The following PKHD1L1 variants were observed in gnomAD, a reference collection of about 807,000 sequenced individuals.
PKHD1L1 encodes the protein fibrocystin-L.
Under a neutral mutation model 462.9 loss-of-function variants are expected in PKHD1L1, and 434 were observed. The ratio of observed to expected loss-of-function variants is 0.94; its 90% CI spans 0.87 to 1.02. The LOEUF (loss-of-function observed/expected upper bound fraction) is 1.02. Ranked by LOEUF, PKHD1L1 falls within the 50% of genes least tolerant of loss-of-function variation. The pLI is 0.00. For synonymous variants in PKHD1L1, 1,781 were observed against 1,750.0 expected, an observed-to-expected ratio of 1.02 and a Z score of -0.44; for missense variants, 5,202 against 5,096.1, an observed-to-expected ratio of 1.02 and a Z score of -0.63.
At position 109,445,052 on chromosome 8, in the gene PKHD1L1, T is replaced by C. The variant is rs771702224; in HGVS notation, c.5183T>C (p.Ile1728Thr). The C allele has an allele frequency of 1.3e-5, 21 of 1,613,940 alleles. No individual in the cohort carries two copies. The East Asian group carries it at 2.7e-4, about 21-fold the overall frequency. ...CAGCTTGTGGATGTAGATCTTCTAA[T>C]ACATGGAGTGCCTGCCCAGTGCCAG... ...AQQLVDVDLLIHGVPAQCQGN... is the reference protein window; with the variant it reads ...AQQLVDVDLLTHGVPAQCQGN... Residue 1728 changes from isoleucine to threonine, a missense_variant, in exon 38 of 78, where the codon ATA becomes ACA. Physicochemically the swap from Ile to Thr is moderately conservative, Grantham distance 89. Coordinates refer to ENST00000378402, the MANE Select transcript of PKHD1L1 (RefSeq NM_177531.6).
At chr8:109,512,938 A>G (rs1820070919) in intron 71 of PKHD1L1, among the ~76,000 whole-genome samples, 1 of 151,848 alleles carries the variant, frequency 6.6e-6, no homozygotes, top group Non-Finnish European at 1.5e-5. Context: ...ATTCCTAGGT[A>G]TTTTATTTTC....
At chr8:109,399,099 G>A (rs75073415) in intron 12 of PKHD1L1, among the ~76,000 whole-genome samples, 4,955 of 151,990 alleles carry the variant, frequency 0.033, 281 homozygotes, top group African/African-American at 0.11. Context: ...TATCTTGTTC[G>A]CACCGTGAAT....
chr8:109,400,065 A>G lies in PKHD1L1; in HGVS notation c.1013-11A>G. On this transcript the variant is annotated splice_polypyrimidine_tract_variant and intron_variant, in intron 12 of 77. Transcript: ENST00000378402. Reference sequence around the variant, plus strand: ...CCTGATGAAAGTCTTATTTTATTTCATTACACTTAGGAGGGAGAGGCCTGA... The same window carrying G: ...CCTGATGAAAGTCTTATTTTATTTCGTTACACTTAGGAGGGAGAGGCCTGA... 1.9e-6 allele frequency: 3 copies of G among 1,595,088 alleles called. No individual in the cohort carries two copies. The highest frequency in any genetic ancestry group is 2.6e-6 in the Non-Finnish European group (3 of 1,170,720).
chr8:109,441,534 A>G (rs1441364247), intron 34 of PKHD1L1, among the ~76,000 whole-genome samples, 155 bp downstream of exon 34: 1 of 151,894 alleles, frequency 6.6e-6, no homozygotes, highest in Non-Finnish European at 1.5e-5. Flanking sequence ...AGAGGGTCAC[A>G]TATAGAGCAA....
At chr8:109,454,672 G>A (rs1472901374) in intron 44 of PKHD1L1, 51 bp from the exon 45 acceptor site, 18 of 1,598,258 alleles carry the variant, frequency 1.1e-5, no homozygotes, top group Non-Finnish European at 1.5e-5. Context: ...GATTAGAATT[G>A]TGGATTTGGG....
At position 109,532,623 on chromosome 8, in the gene PKHD1L1, A is replaced by C. The variant is rs1232182349; in HGVS notation, c.*2533A>C. 6.6e-6 allele frequency among the ~76,000 whole-genome samples: 1 copy of C among 152,210 alleles called. No homozygotes were observed. Among genetic ancestry groups the C allele is most frequent in the Non-Finnish European group, 1.5e-5 (1 of 68,020 alleles). ...TACCTAAGACCTGAAATGTTGGCGA[A>C]GTAAATATGTTGTTCCAATTTTGGT... On this transcript the variant is annotated 3_prime_UTR_variant, in exon 78 of 78. Coordinates refer to ENST00000378402, the MANE Select transcript of PKHD1L1 (RefSeq NM_177531.6).
At chr8:109,406,131 C>T (rs1813522554) in intron 16 of PKHD1L1, among the ~76,000 whole-genome samples, 1 of 152,104 alleles carries the variant, frequency 6.6e-6, no homozygotes, top group African/African-American at 2.4e-5. Flanking sequence ...GCCCTGTCCT[C>T]AAAGAGATCA....
chr8:109,483,100 T>G lies in PKHD1L1; in HGVS notation c.9571T>G (p.Trp3191Gly). The G allele has an allele frequency of 6.4e-7, 1 of 1,573,944 alleles. No homozygotes were observed. Among genetic ancestry groups the G allele is most frequent in the Non-Finnish European group, 8.6e-7 (1 of 1,160,074 alleles). ...KVLSLMDAVDWQEGEEIVITT... is the reference protein window; with the variant it reads ...KVLSLMDAVDGQEGEEIVITT... ...CCTGTCTCTGATGGATGCTGTGGATTGGCAGGTAGACAAAATAATTATGTA... is the reference window on the plus strand; with the variant it reads ...CCTGTCTCTGATGGATGCTGTGGATGGGCAGGTAGACAAAATAATTATGTA... Residue 3191 changes from tryptophan to glycine, a missense_variant, in exon 57 of 78, where the codon TGG becomes GGG. Trp to Gly is a radical substitution (Grantham distance 184). Around this residue, in one of 3 missense-constraint regions of PKHD1L1, gnomAD observed 4,497 missense variants for 4,336.8 expected, o/e 1.04. Coordinates refer to ENST00000378402, the MANE Select transcript of PKHD1L1 (RefSeq NM_177531.6).
intron 2 of PKHD1L1, among the ~76,000 whole-genome samples, chr8:109,369,768 AAG>A (rs1491245161): frequency 1.3e-5 from 2 of 152,154 alleles, no homozygotes; most frequent in Admixed American, 1.3e-4. Context: ...GACAAAAGGG[AAG>A]AGTGGGTTTA....
chr8:109,522,893 A>G lies in PKHD1L1; in HGVS notation c.12330+3A>G. The stretch of plus-strand genomic sequence containing the variant: ...CGGTAAAGGCAACAGATTCTGACGT[A>G]AGTCATAACTCAAAATTTTACTTAA... On this transcript the variant is annotated splice_donor_region_variant and intron_variant, in intron 75 of 77. Transcript: ENST00000378402. 2 of 1,592,496 alleles carry G rather than the reference A, an allele frequency of 1.3e-6. No homozygotes were observed. The highest frequency in any genetic ancestry group is 1.7e-6 in the Non-Finnish European group (2 of 1,171,556).
chr8:109,503,420 C>A (rs1043806655), intron 67 of PKHD1L1, among the ~76,000 whole-genome samples: 1 of 152,086 alleles, frequency 6.6e-6, no homozygotes, highest in Non-Finnish European at 1.5e-5. Context: ...CTGGGCAGGG[C>A]ACAAACAGCA....
At chr8:109,525,119 G>C (rs1371797979) in intron 76 of PKHD1L1, among the ~76,000 whole-genome samples, 1 of 152,146 alleles carries the variant, frequency 6.6e-6, no homozygotes, top group Non-Finnish European at 1.5e-5. Context: ...AACCCCCACA[G>C]TCACTGCACT....
rs74333621 is a variant in PKHD1L1, at chr8:109,410,281, G to A, written c.2085+303G>A. ...TATTTTGTGTATAGGCCATTGTTGCGTTGCTATAAAGAAATACCTTAGACT... is the reference window on the plus strand; with the variant it reads ...TATTTTGTGTATAGGCCATTGTTGCATTGCTATAAAGAAATACCTTAGACT... On this transcript the variant is annotated intron_variant, in intron 19 of 77. Coordinates refer to ENST00000378402, the MANE Select transcript of PKHD1L1 (RefSeq NM_177531.6). Among the ~76,000 whole-genome samples the A allele has an allele frequency of 4.9e-3, 746 of 152,226 alleles. 7 individuals are homozygous for A. Among genetic ancestry groups the A allele is most frequent in the African/African-American group, 0.016 (666 of 41,524 alleles).
chr8:109,376,520 C>T (rs985138264), intron 2 of PKHD1L1, among the ~76,000 whole-genome samples: 1 of 152,066 alleles, frequency 6.6e-6, no homozygotes, highest in African/African-American at 2.4e-5. Context: ...CACCCACTGT[C>T]CGGCACTCCC....
intron 23 of PKHD1L1, among the ~76,000 whole-genome samples, chr8:109,421,553 C>T (rs1320649859): frequency 6.6e-6 from 1 of 152,016 alleles, no homozygotes. Context: ...GAGGCCGAGA[C>T]GGGCGGATCA....
intron 2 of PKHD1L1, among the ~76,000 whole-genome samples, chr8:109,374,245 C>T (rs983564520): frequency 6.6e-6 from 1 of 152,174 alleles, no homozygotes; most frequent in East Asian, 1.9e-4. Context: ...GATCCCTTTA[C>T]CATTATGTAA....
Position 109,376,944 on chromosome 8 carries a change from G to A in PKHD1L1, c.164-4426G>A, listed in dbSNP as rs187155746. The stretch of plus-strand genomic sequence containing the variant: ...ATTAAACATCACTGGCACCTGCCAC[G>A]TAGCTTTACCAGAACTGGAGGTGAG... On this transcript the variant is annotated intron_variant, in intron 2 of 77. Coordinates refer to ENST00000378402, the MANE Select transcript of PKHD1L1 (RefSeq NM_177531.6). Among the ~76,000 whole-genome samples the A allele has an allele frequency of 1.2e-3, 180 of 152,276 alleles. 3 individuals carry two copies. Among genetic ancestry groups the A allele is most frequent in the Non-Finnish European group, 2.8e-4 (19 of 68,030 alleles).
intron 70 of PKHD1L1, among the ~76,000 whole-genome samples, chr8:109,510,543 G>A (rs2844260): frequency 0.18 from 27,141 of 152,026 alleles, 2,748 homozygotes; most frequent in East Asian, 0.33. Flanking sequence ...CTTGCCCTGG[G>A]CAGTGTAAAA....
At chr8:109,405,898 G>A (rs955273590) in intron 16 of PKHD1L1, among the ~76,000 whole-genome samples, 1 of 152,164 alleles carries the variant, frequency 6.6e-6, no homozygotes, top group African/African-American at 2.4e-5. Context: ...TCATTGCACA[G>A]AAGTAAACAT....
Sources: gnomAD v4.1 joint callset for allele counts (sites outside exome capture counted in the v4.1 genomes callset) on GRCh38, gnomAD v4.1.1 for gene constraint, gnomAD v4.1.1 regional missense constraint, MANE v1.5 for transcripts, NCBI Gene and HGNC (gene_info 2026-07-23, HGNC 2026-07-21) for gene names.